Variants in WDR44 observed in about 807,000 individuals in gnomAD.
WDR44 encodes WD repeat-containing protein 44.
A neutral mutation model predicts 65.7 loss-of-function variants in WDR44; 9 were observed. The ratio of observed to expected loss-of-function variants is 0.14; its 90% CI spans 0.08 to 0.24. WDR44 has a LOEUF of 0.24. Among genes scored for constraint, WDR44 ranks in the 10% least tolerant of loss-of-function variants. WDR44 has a pLI of 1.00. For synonymous variants in WDR44, 220 were observed against 235.2 expected, an observed-to-expected ratio of 0.94 and a Z score of 0.59; for missense variants, 425 against 670.9, an observed-to-expected ratio of 0.63 and a Z score of 4.05.
chrX:118,437,514 G>A (rs1213607883), intron 14 of WDR44, among the ~76,000 whole-genome samples: 1 of 111,722 alleles, frequency 9.0e-6, no homozygotes, highest in African/African-American at 3.3e-5. Context: ...CAGAGGACTC[G>A]AGCTGACCCT....
At chrX:118,420,273 A>G (rs1193070739) in intron 12 of WDR44, among the ~76,000 whole-genome samples, 1 of 110,522 alleles carries the variant, frequency 9.0e-6, no homozygotes, top group African/African-American at 3.3e-5. Flanking sequence ...TTTTTTTGAG[A>G]CAGAGTCTCG....
At chrX:118,414,900 G>C (rs2057043713) in intron 12 of WDR44, among the ~76,000 whole-genome samples, 1 of 111,459 alleles carries the variant, frequency 9.0e-6, no homozygotes, top group Non-Finnish European at 1.9e-5. Context: ...CTCTGGCTAG[G>C]ACTTCCAGTA....
chrX:118,438,797 G>GTTTTTTTTTTTTTTGT (rs2057276767), intron 14 of WDR44, among the ~76,000 whole-genome samples: 1 of 64,071 alleles, frequency 1.6e-5, no homozygotes, highest in Admixed American at 2.4e-4. Flanking sequence ...GTTCAGCCAT[G>GTTTTTTTTTTTTTTGT]TTTTTTTTTT....
At chrX:118,448,217 T>G (rs1416290143) in intron 19 of WDR44, among the ~76,000 whole-genome samples, 1 of 111,086 alleles carries the variant, frequency 9.0e-6, no homozygotes, top group African/African-American at 3.3e-5. Flanking sequence ...TTTGGATTAT[T>G]TTCTTCTTTT....
intron 12 of WDR44, among the ~76,000 whole-genome samples, chrX:118,411,597 G>A (rs2057013752): frequency 9.0e-6 from 1 of 111,268 alleles, no homozygotes; most frequent in Non-Finnish European, 1.9e-5. Context: ...TCCTTCTCCT[G>A]GCTTTCCATG....
intron 12 of WDR44, among the ~76,000 whole-genome samples, chrX:118,416,981 T>C (rs1340806697): frequency 8.9e-6 from 1 of 112,235 alleles, no homozygotes; most frequent in African/African-American, 3.2e-5. Context: ...CTTTAAAGTT[T>C]GTTTTGTCTG....
rs1028023677 is a variant in WDR44 at position 118,394,271 on chromosome X, A to G, written c.957+86A>G. 4.4e-6 allele frequency: 5 copies of G among 1,144,110 alleles called. No individual in the cohort carries two copies. In the Admixed American group the frequency reaches 9.6e-5, roughly 22 times the overall value. The allele number at this position is 1,144,110 out of a possible 1,213,427, so 94.3% of individuals were successfully genotyped here. A position where few individuals can be genotyped will look rare whatever the true frequency, so the allele number is the denominator to read the frequency against. ...TGTTGATGATTATTCTGTATTCTCC[A>G]GGCCAGATTTTTCTTTGTCCTCCAA... On this transcript the variant is annotated intron_variant, in intron 5 of 19. Transcript: ENST00000254029.
At position 118,379,386 on chromosome X, in the gene WDR44, T is replaced by C. The variant is rs764728918; in HGVS notation, c.111+934T>C. 1.4e-4 allele frequency among the ~76,000 whole-genome samples: 16 copies of C among 112,100 alleles called. No individual in the cohort carries two copies. The South Asian group carries it at 5.9e-3, about 42-fold the overall frequency. ...GTCTCTTTGATAAATTATGATATGT[T>C]TATATGAAATATTCTACAGTAGTAG... On this transcript the variant is annotated intron_variant, in intron 2 of 19. Transcript: ENST00000254029.
intron 12 of WDR44, among the ~76,000 whole-genome samples, chrX:118,416,443 G>A (rs1282723434): frequency 2.7e-5 from 3 of 111,697 alleles, no homozygotes; most frequent in East Asian, 2.8e-4. Flanking sequence ...ATTTTTGACC[G>A]AGTGCTCATT....
At chrX:118,368,809 C>A (rs1041672432) in intron 1 of WDR44, among the ~76,000 whole-genome samples, 1 of 103,231 alleles carries the variant, frequency 9.7e-6, no homozygotes, top group African/African-American at 3.6e-5. Context: ...CTCTGCCTCC[C>A]GGGTTCAAGC....
intron 2 of WDR44, among the ~76,000 whole-genome samples, chrX:118,382,081 C>G (rs12862730): frequency 0.26 from 29,250 of 110,637 alleles, 3,173 homozygotes; most frequent in African/African-American, 0.39. Context: ...GTTGTCCAGA[C>G]TGGTCTGAAA....
At position 118,392,932 on chromosome X, in the gene WDR44, A is replaced by G. The variant is rs2056832149; in HGVS notation, c.487A>G (p.Thr163Ala). ...ETTKLTQTSS[T>A]EQLNVLETET... ...CACGAAGTTAACTCAAACAAGTTCA[A>G]CTGAGCAGCTTAATGTGCTTGAAAC... Residue 163 changes from threonine (T) to alanine (A), a missense_variant, in exon 4 of 20, where the codon ACT (threonine) becomes GCT (alanine). Physicochemically the swap from Thr to Ala is moderately conservative, Grantham distance 58. This residue lies in a region of WDR44 where 193 missense variants were observed against 209.0 expected (regional missense o/e 0.92). Transcript: ENST00000254029. The G allele has an allele frequency of 1.5e-5, 18 of 1,211,174 alleles. 1 individual carries two copies. In the Middle Eastern group the frequency reaches 9.1e-4, roughly 61 times the overall value.
Position 118,369,450 on chromosome X carries a change from T to C in WDR44, c.78-8969T>C, listed in dbSNP as rs1464157824. On this transcript the variant is annotated intron_variant, in intron 1 of 19. Transcript: ENST00000254029. ...CCTCCCAAAGTGCTGGGATTACAGG[T>C]GTGAGCCACCACGCCCGGCCTTTTT... 5.7e-4 allele frequency among the ~76,000 whole-genome samples: 55 copies of C among 96,705 alleles called. 2 individuals carry two copies. The highest frequency in any genetic ancestry group is 5.7e-3 in the East Asian group (17 of 2,995). The allele number at this position is 96,705 out of a possible 115,157, so 84.0% of individuals were successfully genotyped here.
At position 118,392,685 on chromosome X, in the gene WDR44, C is replaced by T. The variant is rs2056829751; in HGVS notation, c.240C>T (p.Asp80=). Residue 80 remains aspartate (D), a synonymous_variant, in exon 4 of 20, where the codon GAC becomes GAT. Coordinates refer to ENST00000254029, the MANE Select transcript of WDR44 (RefSeq NM_019045.5). ...AGAAAGTACTACAGCTTGAAGATGACTCTTTGGATTCCAAAGGAAAAGAAC... is the reference window on the plus strand; with the variant it reads ...AGAAAGTACTACAGCTTGAAGATGATTCTTTGGATTCCAAAGGAAAAGAAC... ...ESQKVLQLED[D]SLDSKGKELS... 1 of 1,208,137 alleles carries T rather than the reference C, an allele frequency of 8.3e-7. No homozygotes were observed. The highest frequency in any genetic ancestry group is 2.2e-5 in the Admixed American group (1 of 45,590).
At chrX:118,419,249 C>T (rs2057083545) in intron 12 of WDR44, among the ~76,000 whole-genome samples, 1 of 111,808 alleles carries the variant, frequency 8.9e-6, no homozygotes. Context: ...CTTCCTTCTC[C>T]CTATAGTGTT....
At chrX:118,378,343 T>G in intron 1 of WDR44, 76 bp from the exon 2 acceptor site, 1 of 815,762 alleles carries the variant, frequency 1.2e-6, no homozygotes, top group Non-Finnish European at 1.8e-6. Flanking sequence ...TGTGGACTTG[T>G]CTGTAGTAAG....
At chrX:118,407,530 G>C (rs1354342600) in intron 10 of WDR44, among the ~76,000 whole-genome samples, 1 of 109,883 alleles carries the variant, frequency 9.1e-6, no homozygotes, top group African/African-American at 3.3e-5. Context: ...AAAGAAAGGA[G>C]TTATTGAATA....
intron 1 of WDR44, among the ~76,000 whole-genome samples, chrX:118,375,153 CAAG>C (rs781512354): frequency 8.1e-5 from 9 of 110,823 alleles, no homozygotes; most frequent in Middle Eastern, 4.7e-3. Flanking sequence ...TAGTGGCACA[CAAG>C]AAATAAATAT....
At chrX:118,400,532 A>G (rs781253632) in intron 8 of WDR44, among the ~76,000 whole-genome samples, 1 of 111,956 alleles carries the variant, frequency 8.9e-6, no homozygotes, top group African/African-American at 3.2e-5. Flanking sequence ...ACAGCTTCAG[A>G]GTTATAGGTA....
Sources: gnomAD v4.1 joint callset for allele counts (sites outside exome capture counted in the v4.1 genomes callset) on GRCh38, gnomAD v4.1.1 for gene constraint, gnomAD v4.1.1 regional missense constraint, MANE v1.5 for transcripts, NCBI Gene and HGNC (gene_info 2026-07-23, HGNC 2026-07-21) for gene names.